The following PHACTR2 variants were observed in gnomAD, a reference collection of about 807,000 sequenced individuals.
PHACTR2 encodes the protein phosphatase and actin regulator 2.
Under a neutral mutation model 76.0 loss-of-function variants are expected in PHACTR2, and 30 were observed. The observed-to-expected ratio is 0.39, with a 90% CI of 0.30 to 0.54. The LOEUF (loss-of-function observed/expected upper bound fraction) is 0.54, where lower values mean the gene tolerates loss of function less well. PHACTR2 is among the 20% of genes least tolerant of loss of function. The pLI is 0.61. For missense variants in PHACTR2, 696 were observed against 781.1 expected (o/e 0.89, Z 1.30); for synonymous variants, 292 against 292.5 (o/e 1.00, Z 0.02).
chr6:143,644,634 A>G (rs1282753545), intron 1 of PHACTR2, among the ~76,000 whole-genome samples: 1 of 151,950 alleles, frequency 6.6e-6, no homozygotes, highest in African/African-American at 2.4e-5. Context: ...TATCAGCTTT[A>G]AAGTCAGGAT....
At position 143,597,368 on chromosome 6, in the gene PHACTR2, A is replaced by G. The variant is rs1431753306; in HGVS notation, c.217+60161A>G. Among the ~76,000 whole-genome samples the G allele has an allele frequency of 1.3e-5, 2 of 152,150 alleles. No homozygotes were observed. The highest frequency in any genetic ancestry group is 4.8e-5 in the African/African-American group (2 of 41,418). ...ACTGGCTTCCAGGTGAGTAGTAAAG[A>G]CCTCATGCATTTTCATTAAATGTGA... On this transcript the variant is annotated intron_variant, in intron 1 of 11. Coordinates refer to the PHACTR2 transcript ENST00000367584. The surrounding 1 kb of genome is among the most constrained non-coding windows in gnomAD (Gnocchi z 5.7).
rs1776363697 is a variant in PHACTR2 at position 143,819,247 on chromosome 6, G to T, written c.1923-4427G>T. Among the ~76,000 whole-genome samples the T allele has an allele frequency of 6.6e-6, 1 of 152,084 alleles. No homozygotes were observed. Among genetic ancestry groups the T allele is most frequent in the South Asian group, 2.1e-4 (1 of 4,824 alleles). ...GACCTGTCTCATAAGGTCCTCAGGT[G>T]GTTATGTTCCAGTAGAGAAGCAAAC... On this transcript the variant is annotated intron_variant, in intron 12 of 12. Coordinates refer to ENST00000440869, the MANE Select transcript of PHACTR2 (RefSeq NM_001100164.2). The surrounding 1 kb of genome is among the most constrained non-coding windows in gnomAD (Gnocchi z 5.0).
chr6:143,630,472 A>G (rs2128441866), intron 1 of PHACTR2, among the ~76,000 whole-genome samples: 1 of 152,242 alleles, frequency 6.6e-6, no homozygotes, highest in South Asian at 2.1e-4. Flanking sequence ...ATTATAGCTC[A>G]AAAACAAATT....
intron 1 of PHACTR2, among the ~76,000 whole-genome samples, chr6:143,540,117 C>T (rs1201972588): frequency 1.3e-5 from 2 of 152,222 alleles, no homozygotes; most frequent in African/African-American, 4.8e-5. Context: ...ATCCTCTCTT[C>T]TACTACTGCA....
In PHACTR2 at chr6:143,799,988, G is replaced by A. The variant is rs184674524; in HGVS notation, c.1846-7069G>A. ...CCAGTATTGACAGTGGGGTGTTAAA[G>A]TCTCCCATTATTATTGTGTGGGAGT... is the stretch of plus-strand genomic sequence containing the variant. On this transcript the variant is annotated intron_variant, in intron 11 of 12. Transcript: ENST00000440869. 7.2e-5 allele frequency among the ~76,000 whole-genome samples: 11 copies of A among 152,276 alleles called. No individual in the cohort carries two copies. In the East Asian group the frequency reaches 2.1e-3, roughly 29 times the overall value.
chr6:143,762,078 C>G (rs952446666), intron 5 of PHACTR2, among the ~76,000 whole-genome samples: 2 of 152,158 alleles, frequency 1.3e-5, no homozygotes, highest in African/African-American at 2.4e-5. Flanking sequence ...AGTGTCCATT[C>G]TTGTTGGGAT....
chr6:143,714,719 A>AC (rs1288937010), intron 2 of PHACTR2, among the ~76,000 whole-genome samples: 2 of 151,630 alleles, frequency 1.3e-5, no homozygotes, highest in Admixed American at 6.6e-5. Context: ...TCTCTCAGAT[A>AC]CCCCCCTTCA....
Position 143,578,305 on chromosome 6 carries a change from T to C in PHACTR2, c.217+41098T>C, listed in dbSNP as rs1775535434. On this transcript the variant is annotated intron_variant, in intron 1 of 11. Coordinates refer to the PHACTR2 transcript ENST00000367584. This position sits in a 1 kb window ranked among gnomAD's most constrained non-coding sequence, Gnocchi z 4.5. ...AATGCCTCATCCTCCATGTTTCCCC[T>C]TCTAGGATGATCTAGTTTGATTCAA... is the stretch of plus-strand genomic sequence containing the variant. Among the ~76,000 whole-genome samples the C allele has an allele frequency of 6.6e-6, 1 of 152,210 alleles. No individual in the cohort carries two copies. Among genetic ancestry groups the C allele is most frequent in the Non-Finnish European group, 1.5e-5 (1 of 68,018 alleles).
At chr6:143,734,391 A>T (rs1173587228) in intron 2 of PHACTR2, among the ~76,000 whole-genome samples, 4 of 152,164 alleles carry the variant, frequency 2.6e-5, no homozygotes, top group Admixed American at 2.0e-4. Flanking sequence ...ATTGTGTTTA[A>T]TCCAAGCCGA....
At chr6:143,551,830 T>TG (rs770574066) in intron 1 of PHACTR2, among the ~76,000 whole-genome samples, 15 of 152,122 alleles carry the variant, frequency 9.9e-5, no homozygotes, top group South Asian at 2.1e-4. Context: ...AATGTAATAA[T>TG]GGGGGGAGGC....
rs1188251524 is a variant in PHACTR2 at position 143,806,970 on chromosome 6, A to G, written c.1846-87A>G. ...AGACTCTATCTCTTAAAAAAAAAAAAAAGGTCTGCTTCATTGATGCTGTAT... is the reference window on the plus strand; with the variant it reads ...AGACTCTATCTCTTAAAAAAAAAAAGAAGGTCTGCTTCATTGATGCTGTAT... On this transcript the variant is annotated intron_variant, in intron 11 of 12. Transcript: ENST00000440869. This position sits in a 1 kb window ranked among gnomAD's most constrained non-coding sequence, Gnocchi z 5.8. 5 of 665,182 alleles carry G rather than the reference A, an allele frequency of 7.5e-6. No homozygotes were observed. The highest frequency in any genetic ancestry group is 7.5e-5 in the African/African-American group (4 of 53,616). The allele number at this position is 665,182 out of a possible 1,614,324, so 41.2% of individuals were successfully genotyped here.
At position 143,760,115 on chromosome 6, in the gene PHACTR2, G is replaced by A. The variant is rs1331337294; in HGVS notation, c.455-286G>A. On this transcript the variant is annotated intron_variant, in intron 4 of 12. Transcript: ENST00000440869. This position sits in a 1 kb window ranked among gnomAD's most constrained non-coding sequence, Gnocchi z 6.4. ...CCCCAGATCCAAGGCTGGAACTGAG[G>A]CCCCTGACTGCAAACATTTACACAC... Among the ~76,000 whole-genome samples, 1 of 152,168 alleles carries A rather than the reference G, an allele frequency of 6.6e-6. No individual in the cohort carries two copies. The highest frequency in any genetic ancestry group is 1.9e-4 in the East Asian group (1 of 5,200).
At position 143,803,210 on chromosome 6, in the gene PHACTR2, A is replaced by T. The variant is rs989607889; in HGVS notation, c.1846-3847A>T. On this transcript the variant is annotated intron_variant, in intron 11 of 12. Transcript: ENST00000440869. This position sits in a 1 kb window ranked among gnomAD's most constrained non-coding sequence, Gnocchi z 4.7. The stretch of plus-strand genomic sequence containing the variant: ...AGTGCTGATTTAATTTTACATAAAC[A>T]CGCTCTTTGAGGCTGAAGCAAATCT... 4.6e-5 allele frequency among the ~76,000 whole-genome samples: 7 copies of T among 152,210 alleles called. No homozygotes were observed. The highest frequency in any genetic ancestry group is 7.3e-5 in the Non-Finnish European group (5 of 68,038).
intron 2 of PHACTR2, among the ~76,000 whole-genome samples, chr6:143,714,926 T>A (rs1301893304): frequency 6.6e-6 from 1 of 152,234 alleles, no homozygotes; most frequent in Non-Finnish European, 1.5e-5. Context: ...TTATATATGC[T>A]TGTATCTCCC....
intron 1 of PHACTR2, among the ~76,000 whole-genome samples, chr6:143,642,886 AT>A (rs1776593119): frequency 6.6e-6 from 1 of 152,166 alleles, no homozygotes; most frequent in Non-Finnish European, 1.5e-5. Context: ...GAGACAATAC[AT>A]TTATGTTCTT....
At chr6:143,785,809 T>G (rs936812341) in intron 10 of PHACTR2, among the ~76,000 whole-genome samples, 2 of 152,228 alleles carry the variant, frequency 1.3e-5, no homozygotes, top group Admixed American at 6.5e-5. Context: ...AGTTCTACAT[T>G]TGCCCCTTTC....
Position 143,722,480 on chromosome 6 carries a change from T to A in PHACTR2, c.214+10297T>A, listed in dbSNP as rs1269261691. Among the ~76,000 whole-genome samples the A allele has an allele frequency of 1.3e-5, 2 of 152,218 alleles. No homozygotes were observed. The highest frequency in any genetic ancestry group is 4.8e-5 in the African/African-American group (2 of 41,466). ...ATGTCATTTTTTTCTTAAATTTTTT[T>A]ATTTTTAATGAATGCATAATTTTCG... is the stretch of plus-strand genomic sequence containing the variant. On this transcript the variant is annotated intron_variant, in intron 2 of 12. Coordinates refer to ENST00000440869, the MANE Select transcript of PHACTR2 (RefSeq NM_001100164.2). This position sits in a 1 kb window ranked among gnomAD's most constrained non-coding sequence, Gnocchi z 4.1.
In PHACTR2 at chr6:143,777,595, C is replaced by A. The variant is rs1775312759; in HGVS notation, c.1645+212C>A. Among the ~76,000 whole-genome samples the A allele has an allele frequency of 2.0e-5, 3 of 151,642 alleles. No homozygotes were observed. The highest frequency in any genetic ancestry group is 1.5e-5 in the Non-Finnish European group (1 of 67,942). On this transcript the variant is annotated intron_variant, in intron 9 of 12. Transcript: ENST00000440869. The surrounding 1 kb of genome is among the most constrained non-coding windows in gnomAD (Gnocchi z 4.6). ...GATTTTATGGCTTTGAGCCTTATAC[C>A]CGCCCCTAGAGCAGAGTCATGGTCA...
In PHACTR2 at chr6:143,549,348, G is replaced by A. The variant is rs191860202; in HGVS notation, c.217+12141G>A. On this transcript the variant is annotated intron_variant, in intron 1 of 11. Transcript: ENST00000367584. The surrounding 1 kb of genome is among the most constrained non-coding windows in gnomAD (Gnocchi z 4.2). Reference sequence around the variant, plus strand: ...TGACCCTGGATTCAGAGGCCTGCTCGGGGTGCGGGATGGCATTCCTTTGGC... The same window carrying A: ...TGACCCTGGATTCAGAGGCCTGCTCAGGGTGCGGGATGGCATTCCTTTGGC... 6.0e-4 allele frequency among the ~76,000 whole-genome samples: 92 copies of A among 152,178 alleles called. No homozygotes were observed. Among genetic ancestry groups the A allele is most frequent in the Middle Eastern group, 3.4e-3 (1 of 294 alleles).
Sources: allele counts gnomAD v4.1 joint callset (sites outside exome capture counted in the v4.1 genomes callset), GRCh38; gene constraint gnomAD v4.1.1; non-coding constraint Gnocchi (gnomAD v3.1); transcripts MANE v1.5; gene names NCBI Gene and HGNC (gene_info 2026-07-23, HGNC 2026-07-21).